STK32C: variants seen among roughly 807,000 people sequenced by gnomAD.
STK32C encodes serine/threonine-protein kinase 32C.
In STK32C, 31 loss-of-function variants were observed where a neutral mutation model predicts 56.5. That is an observed-to-expected ratio of 0.55 (90% CI 0.41 to 0.74). The LOEUF is 0.74. Ranked by LOEUF, STK32C falls within the 30% of genes least tolerant of loss-of-function variation. STK32C has a pLI of 0.00. For synonymous variants in STK32C, 309 were observed against 289.4 expected (o/e 1.07, Z -0.69); for missense variants, 544 against 676.9 (o/e 0.80, Z 2.18).
intron 1 of STK32C, among the ~76,000 whole-genome samples, chr10:132,289,108 A>T (rs2065494324): frequency 1.4e-5 from 2 of 147,108 alleles, no homozygotes; most frequent in Non-Finnish European, 1.5e-5. Flanking sequence ...CAAGAAAGAT[A>T]AAAAAAAATA....
At chr10:132,325,912 G>A (rs372857637) in intron 1 of STK32C, among the ~76,000 whole-genome samples, 23 of 152,038 alleles carry the variant, frequency 1.5e-4, no homozygotes, top group Admixed American at 3.9e-4. Flanking sequence ...TAGTAGAGAC[G>A]GGGTTTCACC....
At chr10:132,303,461 CA>C (rs1261651936) in intron 1 of STK32C, among the ~76,000 whole-genome samples, 1 of 152,060 alleles carries the variant, frequency 6.6e-6, no homozygotes, top group African/African-American at 2.4e-5. Flanking sequence ...TAAACACATC[CA>C]TAGAGAAAAA....
rs2066124215 is a variant in STK32C, at chr10:132,307,762, C to G, written c.72G>C (p.Ala24=). ...ASPGSPPPGR[A]RPAGSDAPSA... The stretch of plus-strand genomic sequence containing the variant: ...AGGGCGCGTCGGAGCCGGCGGGGCG[C>G]GCGCGGCCGGGGGGCGGCGAGCCCG... The change falls in exon 1 of 12, where the codon GCG becomes GCC. Residue 24 remains alanine, a synonymous_variant. Transcript: ENST00000298630. The surrounding 1 kb of genome is among the most constrained non-coding windows in gnomAD (Gnocchi z 4.4). 2 of 1,005,404 alleles carry G rather than the reference C, an allele frequency of 2.0e-6. No homozygotes were observed. Among genetic ancestry groups the G allele is most frequent in the East Asian group, 2.1e-4 (2 of 9,708 alleles). The allele number at this position is 1,005,404 out of a possible 1,614,324, so 62.3% of individuals were successfully genotyped here. A position where few individuals can be genotyped will look rare whatever the true frequency, so the allele number is the denominator to read the frequency against.
chr10:132,223,013 C>T, intron 8 of STK32C, 27 bp from the exon 9 acceptor site: 1 of 1,541,330 alleles, frequency 6.5e-7, no homozygotes. Flanking sequence ...GTCAGAGGGT[C>T]CAGGGCCCAC....
At chr10:132,234,905 C>G (rs1198920733) in intron 2 of STK32C, among the ~76,000 whole-genome samples, 1 of 152,216 alleles carries the variant, frequency 6.6e-6, no homozygotes, top group Non-Finnish European at 1.5e-5. Context: ...GGCACGCCCA[C>G]CAGGGCAAGT....
intron 9 of STK32C, 23 bp downstream of exon 9, chr10:132,222,838 A>C (rs1590166685): frequency 6.3e-7 from 1 of 1,589,230 alleles, no homozygotes; most frequent in South Asian, 1.1e-5. Context: ...AGGGCCCCCC[A>C]CCTGAGCCGC....
At chr10:132,331,698 C>T in exon 1 of STK32C, 1 of 1,612,774 alleles carries the variant, frequency 6.2e-7, no homozygotes, top group Non-Finnish European at 8.5e-7. Context: ...CAGCCCCGCC[C>T]GCCCCGGGCC....
At chr10:132,240,277 A>T (rs1183800548) in intron 2 of STK32C, among the ~76,000 whole-genome samples, 1 of 152,154 alleles carries the variant, frequency 6.6e-6, no homozygotes, top group Non-Finnish European at 1.5e-5. Context: ...TGGATGAGGA[A>T]CCCTCAGAAC....
At chr10:132,226,167 T>C (rs10870272) in intron 4 of STK32C, among the ~76,000 whole-genome samples, 1 of 152,158 alleles carries the variant, frequency 6.6e-6, no homozygotes, top group African/African-American at 2.4e-5. Context: ...ACACAGCCAG[T>C]GCTCAGTGAC....
At chr10:132,283,787 G>A (rs1027382289) in intron 1 of STK32C, among the ~76,000 whole-genome samples, 1 of 152,208 alleles carries the variant, frequency 6.6e-6, no homozygotes, top group African/African-American at 2.4e-5. Context: ...CACAGCTGCT[G>A]CCTCCTCCTC....
chr10:132,285,583 T>C (rs867152968), intron 1 of STK32C, among the ~76,000 whole-genome samples: 1 of 152,236 alleles, frequency 6.6e-6, no homozygotes, highest in African/African-American at 2.4e-5. Flanking sequence ...CAAGGGATAT[T>C]TGACCAATGT....
intron 2 of STK32C, among the ~76,000 whole-genome samples, chr10:132,244,415 G>C (rs565324517): frequency 1.1e-4 from 17 of 152,200 alleles, no homozygotes; most frequent in African/African-American, 3.9e-4. Context: ...GCCCACCTGT[G>C]CTCATGAGAA....
upstream of STK32C, among the ~76,000 whole-genome samples, chr10:132,308,405 C>A (rs544928444): frequency 2.0e-5 from 3 of 152,290 alleles, no homozygotes; most frequent in African/African-American, 7.2e-5. Flanking sequence ...ACAGCCGGCG[C>A]GCGGGCTTCC....
intron 1 of STK32C, among the ~76,000 whole-genome samples, chr10:132,264,628 G>T (rs2064433855): frequency 6.6e-6 from 1 of 152,202 alleles, no homozygotes. Flanking sequence ...CATCCTGAGG[G>T]GTTTGAGCTG....
At chr10:132,326,122 C>G (rs2066495257) in intron 1 of STK32C, among the ~76,000 whole-genome samples, 1 of 152,074 alleles carries the variant, frequency 6.6e-6, no homozygotes, top group Admixed American at 6.5e-5. Flanking sequence ...ATCGGGGAGG[C>G]CTGGAAGGGT....
chr10:132,275,359 G>A (rs957690781), intron 1 of STK32C, among the ~76,000 whole-genome samples: 11 of 152,318 alleles, frequency 7.2e-5, no homozygotes, highest in Middle Eastern at 6.8e-3. Context: ...AGAGGCCGAG[G>A]GAAGGTCCAG....
chr10:132,209,366 T>C, intron 10 of STK32C: 1 of 692,278 alleles, frequency 1.4e-6, no homozygotes. Context: ...CCGTGGGGCC[T>C]GCAGGACCAG....
At chr10:132,282,087 G>C (rs1329222914) in intron 1 of STK32C, among the ~76,000 whole-genome samples, 1 of 152,242 alleles carries the variant, frequency 6.6e-6, no homozygotes, top group Non-Finnish European at 1.5e-5. Flanking sequence ...CTCCGGGGGT[G>C]GGGGCGACAG....
In STK32C at chr10:132,307,496, C is replaced by A; in HGVS notation, c.262+76G>T. On this transcript the variant is annotated intron_variant, in intron 1 of 11. Transcript: ENST00000298630. The surrounding 1 kb of genome is among the most constrained non-coding windows in gnomAD (Gnocchi z 4.4). ...GTCCCGGACACCGGGGGAACCCCTG[C>A]GGGAAAAAGCCGCCCAGCCGCGCCC... The A allele has an allele frequency of 6.9e-7, 1 of 1,442,856 alleles. No individual in the cohort carries two copies. Among genetic ancestry groups the A allele is most frequent in the Non-Finnish European group, 9.2e-7 (1 of 1,090,454 alleles). 89.4% of individuals were successfully genotyped at this position (1,442,856 alleles called of 1,614,324 possible).
Sources: allele counts gnomAD v4.1 joint callset (sites outside exome capture counted in the v4.1 genomes callset), GRCh38; gene constraint gnomAD v4.1.1; non-coding constraint Gnocchi (gnomAD v3.1); transcripts MANE v1.5; gene names NCBI Gene and HGNC (gene_info 2026-07-23, HGNC 2026-07-21).